UMODL1: variants seen among roughly 807,000 people sequenced by gnomAD.
UMODL1 encodes uromodulin-like 1.
In UMODL1, 128 loss-of-function variants were observed where a neutral mutation model predicts 136.3. The observed-to-expected ratio is 0.94, with a 90% CI of 0.81 to 1.09. UMODL1 has a LOEUF of 1.09. Among genes scored for constraint, UMODL1 ranks in the 50% least tolerant of loss-of-function variants. The pLI is 0.00. For missense variants in UMODL1, 1,766 were observed against 1,725.6 expected (o/e 1.02, Z -0.41); for synonymous variants, 721 against 720.0 (o/e 1.00, Z -0.02).
rs1350623790 is a variant in UMODL1 at position 42,137,482 on chromosome 21, G to C, written c.3819G>C (p.Val1273=). 1 of 1,614,122 alleles carries C rather than the reference G, an allele frequency of 6.2e-7. No individual in the cohort carries two copies. Among genetic ancestry groups the C allele is most frequent in the Non-Finnish European group, 8.5e-7 (1 of 1,180,050 alleles). Residue 1273 remains valine, a synonymous_variant, in exon 22 of 23, where the codon GTG becomes GTC. Coordinates refer to ENST00000408910, the MANE Select transcript of UMODL1 (RefSeq NM_001004416.3). Reference sequence around the variant, plus strand: ...AAGCAGGCCTGGGTGCCGGTTATGTGGTCCTTATTGTGGTGGCCATCTTCG... The same window carrying C: ...AAGCAGGCCTGGGTGCCGGTTATGTCGTCCTTATTGTGGTGGCCATCTTCG... ...HAEAGLGAGY[V]VLIVVAIFVL... is the part of the protein sequence containing the mutation.
At chr21:42,095,089 G>GT (rs58764222) in intron 6 of UMODL1, among the ~76,000 whole-genome samples, 3,789 of 61,118 alleles carry the variant, frequency 0.062, 667 homozygotes, top group Middle Eastern at 0.078. Flanking sequence ...TTCTTCTGCT[G>GT]TTTTTTTTTT....
intron 9 of UMODL1, among the ~76,000 whole-genome samples, chr21:42,106,291 C>CGAGGATCTGTAGAA (rs893979656): frequency 6.6e-5 from 10 of 152,238 alleles, no homozygotes; most frequent in African/African-American, 2.2e-4. Context: ...ACCTTCACGG[C>CGAGGATCTGTAGAA]GAGGATCTGT....
At chr21:42,094,595 G>A (rs972330610) in intron 6 of UMODL1, among the ~76,000 whole-genome samples, 2 of 152,178 alleles carry the variant, frequency 1.3e-5, no homozygotes, top group Non-Finnish European at 1.5e-5. Flanking sequence ...CCCCATTTAA[G>A]GGTAACCAAA....
intron 20 of UMODL1, 150 bp from the exon 21 acceptor site, chr21:42,129,563 C>T (rs1294038962): frequency 4.9e-6 from 3 of 611,760 alleles, no homozygotes; most frequent in Non-Finnish European, 7.9e-6. Flanking sequence ...CCAGGTCTCC[C>T]ACTCCTCTGT....
rs899231342 is a variant in UMODL1, at chr21:42,127,932, G to A, written c.3690+101G>A. On this transcript the variant is annotated intron_variant, in intron 20 of 22. Coordinates refer to ENST00000408910, the MANE Select transcript of UMODL1 (RefSeq NM_001004416.3). ...AAAAACCTAGGGCTCGAGTGGCTCG[G>A]GGCCAACCTCTGGGAGGAGTCGCTG... The A allele has an allele frequency of 8.6e-6, 13 of 1,504,870 alleles. No homozygotes were observed. In the African/African-American group the frequency reaches 1.1e-4, roughly 13 times the overall value. The allele number at this position is 1,504,870 out of a possible 1,614,324, so 93.2% of individuals were successfully genotyped here.
rs376780350 is a variant in UMODL1, at chr21:42,096,990, T to C, written c.932-1936T>C. On this transcript the variant is annotated intron_variant, in intron 6 of 22. Coordinates refer to ENST00000408910, the MANE Select transcript of UMODL1 (RefSeq NM_001004416.3). ...AGGCCAGGCAGTGAGTGGGGGGTCT[T>C]TTTGATTCCAGGGTTCTGGTGACCC... 7.9e-4 allele frequency among the ~76,000 whole-genome samples: 121 copies of C among 152,252 alleles called. 1 individual carries two copies. Among genetic ancestry groups the C allele is most frequent in the Middle Eastern group, 6.8e-3 (2 of 294 alleles).
intron 7 of UMODL1, chr21:42,101,903 T>C (rs1601218261): frequency 5.0e-6 from 2 of 399,284 alleles, no homozygotes; most frequent in South Asian, 4.1e-5. Flanking sequence ...CATGCTCTGG[T>C]TGAATCCCAG....
rs928438494 is a variant in UMODL1, at chr21:42,099,604, C to T, written c.1186+424C>T. On this transcript the variant is annotated intron_variant, in intron 7 of 22. Coordinates refer to ENST00000408910, the MANE Select transcript of UMODL1 (RefSeq NM_001004416.3). The surrounding 1 kb of genome is among the most constrained non-coding windows in gnomAD (Gnocchi z 4.1). Reference sequence around the variant, plus strand: ...AGTTCCCTCCCCGAGAGGGGAGCATCGCTGACGTTTTCACGCCTTGCTTCA... The same window carrying T: ...AGTTCCCTCCCCGAGAGGGGAGCATTGCTGACGTTTTCACGCCTTGCTTCA... 1.8e-4 allele frequency among the ~76,000 whole-genome samples: 27 copies of T among 152,348 alleles called. No individual in the cohort carries two copies. The highest frequency in any genetic ancestry group is 5.2e-4 in the Admixed American group (8 of 15,300).
In UMODL1 at chr21:42,088,360, T is replaced by C. The variant is rs1397770305; in HGVS notation, c.670T>C (p.Ser224Pro). The change falls in exon 5 of 23, where the codon TCC becomes CCC. Residue 224 changes from serine (S) to proline (P), a missense_variant. Coordinates refer to ENST00000408910, the MANE Select transcript of UMODL1 (RefSeq NM_001004416.3). ...HHLHSAPGNA[S>P]TTVSRLLLGL... ...CCTGCACTCAGCCCCTGGGAACGCC[T>C]CCACCACAGTGTCGCGGCTGCTACT... 4 of 1,613,824 alleles carry C rather than the reference T, an allele frequency of 2.5e-6. No homozygotes were observed. In the African/African-American group the frequency reaches 4.0e-5, roughly 16 times the overall value.
intron 1 of UMODL1, among the ~76,000 whole-genome samples, chr21:42,072,718 G>C (rs924941795): frequency 6.6e-6 from 1 of 152,230 alleles, no homozygotes; most frequent in African/African-American, 2.4e-5. Flanking sequence ...CATGACATGG[G>C]CGCAATCATG....
At chr21:42,107,379 C>T (rs927498539) in intron 9 of UMODL1, among the ~76,000 whole-genome samples, 2 of 152,206 alleles carry the variant, frequency 1.3e-5, no homozygotes, top group Non-Finnish European at 2.9e-5. Flanking sequence ...TGGAGCTGAG[C>T]TCCCCAAAGC....
At chr21:42,125,141 G>T (rs1054473345) in intron 17 of UMODL1, among the ~76,000 whole-genome samples, 6 of 152,190 alleles carry the variant, frequency 3.9e-5, no homozygotes, top group African/African-American at 1.4e-4. Context: ...CTGGCATGGG[G>T]TGTCAATGTC....
At chr21:42,075,939 C>A (rs971417799) in intron 1 of UMODL1, 66 bp from the exon 2 acceptor site, 5 of 1,589,116 alleles carry the variant, frequency 3.1e-6, no homozygotes, top group African/African-American at 2.7e-5. Flanking sequence ...GGACGCCTTG[C>A]GGATAACCGC....
At chr21:42,126,297 G>GGGGCCGC in intron 17 of UMODL1, 48 bp from the exon 18 acceptor site, 1 of 1,609,442 alleles carries the variant, frequency 6.2e-7, no homozygotes, top group Non-Finnish European at 8.5e-7. Context: ...CAGGGCGTGG[G>GGGGCCGC]GGGCCGGCTG....
chr21:42,090,062 C>T (rs572653881), intron 5 of UMODL1, among the ~76,000 whole-genome samples: 2 of 152,354 alleles, frequency 1.3e-5, no homozygotes, highest in African/African-American at 4.8e-5. Flanking sequence ...GGTGAGCCAG[C>T]CGCGAGCCCT....
rs2067000311 is a variant in UMODL1, at chr21:42,123,069, C to T, written c.3066C>T (p.Pro1022=). Residue 1022 remains proline (P), a synonymous_variant, in exon 17 of 23, where the codon CCC becomes CCT. Transcript: ENST00000408910. This position sits in a 1 kb window ranked among gnomAD's most constrained non-coding sequence, Gnocchi z 4.4. ...AGTCCTCGTTGTACCTCAGCCACCC[C>T]TCCTGCAACGTGAGCCACAGCAATG... The part of the protein sequence containing the change: ...IPESSLYLSH[P]SCNVSHSNGT... 3 of 1,614,052 alleles carry T rather than the reference C, an allele frequency of 1.9e-6. No individual in the cohort carries two copies. Among genetic ancestry groups the T allele is most frequent in the Non-Finnish European group, 2.5e-6 (3 of 1,180,044 alleles).
intron 3 of UMODL1, 56 bp downstream of exon 3, chr21:42,084,301 GC>G: frequency 2.5e-6 from 4 of 1,581,984 alleles, no homozygotes; most frequent in African/African-American, 1.3e-5. Flanking sequence ...TCTCGGTGAG[GC>G]CTGATCTGTG....
chr21:42,113,822 T>C lies in UMODL1; in HGVS notation c.2354T>C (p.Val785Ala), dbSNP rs780526566. 4 of 1,612,766 alleles carry C rather than the reference T, an allele frequency of 2.5e-6. No individual in the cohort carries two copies. The highest frequency in any genetic ancestry group is 2.2e-5 in the East Asian group (1 of 44,842). ...GAAGGTGCCAGAGCTCATCTGAAAG[T>C]GAGGACAGGTAATGGGCTTCCATTT... ...GKEGARAHLK[V>A]RTAARKLIGK... The change falls in exon 13 of 23, where the codon GTG becomes GCG. Residue 785 changes from valine (V) to alanine (A), a missense_variant. Transcript: ENST00000408910.
intron 7 of UMODL1, among the ~76,000 whole-genome samples, chr21:42,100,885 C>A (rs188520479): frequency 3.7e-4 from 26 of 70,672 alleles, no homozygotes; most frequent in African/African-American, 1.5e-3. Context: ...CCCTCCCCAC[C>A]CCACCAACCC....
Sources: allele counts gnomAD v4.1 joint callset (sites outside exome capture counted in the v4.1 genomes callset), GRCh38; gene constraint gnomAD v4.1.1; non-coding constraint Gnocchi (gnomAD v3.1); transcripts MANE v1.5; gene names NCBI Gene and HGNC (gene_info 2026-07-23, HGNC 2026-07-21).